The following PCDH15 variants were observed in gnomAD, a reference collection of about 807,000 sequenced individuals.
PCDH15 encodes protocadherin-15.
Under a neutral mutation model 178.5 loss-of-function variants are expected in PCDH15, and 129 were observed. The ratio of observed to expected loss-of-function variants is 0.72; its 90% CI spans 0.63 to 0.84. The LOEUF (loss-of-function observed/expected upper bound fraction) is 0.84, where lower values mean the gene tolerates loss of function less well. Ranked by LOEUF, PCDH15 falls within the 40% of genes least tolerant of loss-of-function variation. The pLI is 0.00. For synonymous variants in PCDH15, 800 were observed against 732.0 expected (o/e 1.09, Z -1.50); for missense variants, 2,230 against 2,099.9 (o/e 1.06, Z -1.21).
At chr10:55,617,337 G>A (rs971782290) in intron 2 of PCDH15, among the ~76,000 whole-genome samples, 7 of 151,900 alleles carry the variant, frequency 4.6e-5, no homozygotes, top group African/African-American at 1.2e-4. Flanking sequence ...AGTAATACTC[G>A]TCTTATAAAA....
At chr10:54,604,877 C>T (rs1259848943) in intron 2 of PCDH15, among the ~76,000 whole-genome samples, 2 of 150,248 alleles carry the variant, frequency 1.3e-5, no homozygotes, top group Non-Finnish European at 3.0e-5. Context: ...TAATTCCTTT[C>T]TCCTTTTCTT....
intron 15 of PCDH15, among the ~76,000 whole-genome samples, chr10:54,129,173 G>A (rs1306920406): frequency 6.6e-6 from 1 of 152,068 alleles, no homozygotes; most frequent in Non-Finnish European, 1.5e-5. Context: ...GTGAAATGAT[G>A]CGTTATACAT....
At chr10:55,266,472 G>A (rs974792679) in intron 1 of PCDH15, among the ~76,000 whole-genome samples, 2 of 152,184 alleles carry the variant, frequency 1.3e-5, no homozygotes, top group African/African-American at 4.8e-5. Flanking sequence ...GGTCCCTCGT[G>A]AGGGCTCCCA....
chr10:54,535,485 C>A (rs550819496), intron 2 of PCDH15, among the ~76,000 whole-genome samples: 1 of 151,982 alleles, frequency 6.6e-6, no homozygotes. Context: ...CCGAGACAGG[C>A]GGATCACAAG....
At chr10:55,583,347 C>T (rs1842660353) in intron 2 of PCDH15, among the ~76,000 whole-genome samples, 1 of 152,140 alleles carries the variant, frequency 6.6e-6, no homozygotes, top group Admixed American at 6.5e-5. Context: ...ATTTATATAG[C>T]TTCAATAGAA....
chr10:55,474,312 C>A (rs998644585), intron 2 of PCDH15, among the ~76,000 whole-genome samples: 2 of 152,114 alleles, frequency 1.3e-5, no homozygotes, highest in East Asian at 1.9e-4. Flanking sequence ...ACACACTGAG[C>A]AGAAAGTAGC....
At chr10:55,434,591 A>G (rs983935193) in intron 2 of PCDH15, among the ~76,000 whole-genome samples, 2 of 145,470 alleles carry the variant, frequency 1.4e-5, no homozygotes, top group Non-Finnish European at 3.0e-5. Context: ...TAATTATTCA[A>G]TTACAAAGTC....
chr10:55,528,690 T>G (rs1841370213), intron 2 of PCDH15, among the ~76,000 whole-genome samples: 1 of 152,144 alleles, frequency 6.6e-6, no homozygotes, highest in Non-Finnish European at 1.5e-5. Context: ...TAAGCATACG[T>G]GTGCATGTGT....
intron 1 of PCDH15, among the ~76,000 whole-genome samples, chr10:55,231,968 T>G (rs886190279): frequency 6.6e-6 from 1 of 152,064 alleles, no homozygotes; most frequent in African/African-American, 2.4e-5. Flanking sequence ...ATATATTTAA[T>G]TCTGTCAAAG....
intron 8 of PCDH15, among the ~76,000 whole-genome samples, chr10:54,272,032 A>T (rs1384314125): frequency 7.9e-5 from 11 of 139,644 alleles, no homozygotes; most frequent in Non-Finnish European, 1.4e-4. Flanking sequence ...TTTATATATA[A>T]TATATTATAT....
chr10:55,320,750 T>C (rs1843874160), upstream of PCDH15, among the ~76,000 whole-genome samples: 1 of 151,720 alleles, frequency 6.6e-6, no homozygotes, highest in Non-Finnish European at 1.5e-5. Context: ...CCCAAGGATA[T>C]CAAAGATAAA....
chr10:54,877,951 TTTTTTTTTTTTTTTTTTTTTTTTTTTG>T (rs1359660679), intron 3 of PCDH15, among the ~76,000 whole-genome samples: 1 of 5,474 alleles, frequency 1.8e-4, no homozygotes, highest in African/African-American at 7.8e-4. Flanking sequence ...TTTTTTTTTT[TTTTTTTTTTTTTTTTTTTTTTTTTTTG>T]TTGAAGTGGA....
chr10:54,716,512 C>G (rs113055102), intron 1 of PCDH15, among the ~76,000 whole-genome samples: 18,459 of 151,972 alleles, frequency 0.12, 1,250 homozygotes, highest in African/African-American at 0.17. Flanking sequence ...ATTTTATTCT[C>G]TTTGAAGCAA....
intron 18 of PCDH15, among the ~76,000 whole-genome samples, chr10:54,023,702 TATA>T (rs2135332039): frequency 6.6e-6 from 1 of 150,778 alleles, no homozygotes; most frequent in Admixed American, 6.6e-5. Flanking sequence ...TAATGTTTAT[TATA>T]ATAAACATTA....
At chr10:53,811,201 A>G (rs2075851474) in intron 36 of PCDH15, among the ~76,000 whole-genome samples, 1 of 152,180 alleles carries the variant, frequency 6.6e-6, no homozygotes, top group South Asian at 2.1e-4. Context: ...GCAAAACTTT[A>G]AACTGATTAG....
intron 1 of PCDH15, among the ~76,000 whole-genome samples, chr10:54,717,698 T>C (rs1371180109): frequency 7.3e-5 from 10 of 137,708 alleles, no homozygotes; most frequent in Admixed American, 6.7e-4. Flanking sequence ...TGGAAGTCAG[T>C]GTGGCGATTC....
chr10:54,595,534 C>A (rs924820053), intron 2 of PCDH15, among the ~76,000 whole-genome samples: 2 of 152,140 alleles, frequency 1.3e-5, no homozygotes, highest in African/African-American at 4.8e-5. Flanking sequence ...ACTCAAAAAG[C>A]CAGAGTGCCT....
At position 54,567,818 on chromosome 10, in the gene PCDH15, C is replaced by A. The variant is rs908999031; in HGVS notation, c.92-39941G>T. On this transcript the variant is annotated intron_variant, in intron 2 of 37. Coordinates refer to ENST00000644397, the MANE Select transcript of PCDH15 (RefSeq NM_001384140.1). Reference sequence around the variant, plus strand: ...ACTTTATTGAGATGTCAAGTGGCATCCAGCAGAAGGTGAAGAAGTCACAGA... The same window carrying A: ...ACTTTATTGAGATGTCAAGTGGCATACAGCAGAAGGTGAAGAAGTCACAGA... 2.0e-5 allele frequency among the ~76,000 whole-genome samples: 3 copies of A among 152,062 alleles called. No homozygotes were observed. In the East Asian group the frequency reaches 5.8e-4, roughly 29 times the overall value.
intron 3 of PCDH15, among the ~76,000 whole-genome samples, chr10:54,464,832 G>A (rs1482401205): frequency 2.6e-5 from 4 of 152,058 alleles, no homozygotes; most frequent in African/African-American, 9.7e-5. Flanking sequence ...ACAGAATAAT[G>A]ATCACTGCAG....
Sources: gnomAD v4.1 joint callset for allele counts (sites outside exome capture counted in the v4.1 genomes callset) on GRCh38, gnomAD v4.1.1 for gene constraint, MANE v1.5 for transcripts, NCBI Gene and HGNC (gene_info 2026-07-23, HGNC 2026-07-21) for gene names.